The following LAMA3 variants were observed in gnomAD, a reference collection of about 807,000 sequenced individuals.
LAMA3 encodes laminin subunit alpha 3, also known as laminin subunit alpha-3.
In LAMA3, 281 loss-of-function variants were observed where a neutral mutation model predicts 402.0. The observed-to-expected ratio is 0.70, with a 90% CI of 0.63 to 0.77. LAMA3 has a LOEUF of 0.77. Among genes scored for constraint, LAMA3 ranks in the 30% least tolerant of loss-of-function variants. The pLI, the probability that LAMA3 is intolerant of heterozygous loss-of-function variation, is 0.00. For missense variants in LAMA3, 3,840 were observed against 4,215.5 expected (o/e 0.91, Z 2.47); for synonymous variants, 1,431 against 1,558.4 (o/e 0.92, Z 1.93).
At chr18:23,953,299 G>T (rs528029316) in intron 74 of LAMA3, among the ~76,000 whole-genome samples, 190 bp downstream of exon 74, 10 of 150,268 alleles carry the variant, frequency 6.7e-5, no homozygotes, top group African/African-American at 2.4e-4. Context: ...TACTGCTGTT[G>T]CCCCTTGCCC....
intron 8 of LAMA3, among the ~76,000 whole-genome samples, chr18:23,767,051 T>C (rs1438445636): frequency 6.6e-6 from 1 of 152,166 alleles, no homozygotes; most frequent in East Asian, 1.9e-4. Flanking sequence ...GTAGCATTTC[T>C]ATGCACCAAT....
intron 70 of LAMA3, among the ~76,000 whole-genome samples, chr18:23,947,576 G>A (rs2145539558): frequency 6.6e-6 from 1 of 152,128 alleles, no homozygotes; most frequent in Non-Finnish European, 1.5e-5. Flanking sequence ...TTTGCACTGG[G>A]GTTTGGGCCA....
intron 55 of LAMA3, among the ~76,000 whole-genome samples, chr18:23,911,515 T>C (rs1247360083): frequency 6.6e-6 from 1 of 152,044 alleles, no homozygotes. Context: ...GGCTTGTATT[T>C]TGTCTACTTT....
At chr18:23,752,171 G>A (rs1335968493) in intron 5 of LAMA3, among the ~76,000 whole-genome samples, 2 of 152,162 alleles carry the variant, frequency 1.3e-5, no homozygotes, top group African/African-American at 4.8e-5. Context: ...CTCCCTCTGA[G>A]CTTCTGTGTA....
In LAMA3 at chr18:23,932,301, C is replaced by T. The variant is rs1311888617; in HGVS notation, c.8708+10C>T. ...ATGTTTTTGTCCAGAGGTAGGTGATCCTCTCTTTGTGGGTAACTGATGAGA... is the reference window on the plus strand; with the variant it reads ...ATGTTTTTGTCCAGAGGTAGGTGATTCTCTCTTTGTGGGTAACTGATGAGA... On this transcript the variant is annotated intron_variant, in intron 66 of 74. Coordinates refer to ENST00000313654, the MANE Select transcript of LAMA3 (RefSeq NM_198129.4). 3.1e-6 allele frequency: 5 copies of T among 1,613,378 alleles called. No individual in the cohort carries two copies. The highest frequency in any genetic ancestry group is 4.2e-6 in the Non-Finnish European group (5 of 1,179,580).
intron 12 of LAMA3, among the ~76,000 whole-genome samples, 153 bp downstream of exon 12, chr18:23,784,310 C>T (rs538284085): frequency 2.0e-5 from 3 of 152,310 alleles, no homozygotes; most frequent in South Asian, 2.1e-4. Context: ...ATGGTCCTAC[C>T]TGGACCTTGT....
chr18:23,806,205 G>A (rs531648576), intron 12 of LAMA3, among the ~76,000 whole-genome samples: 44 of 152,238 alleles, frequency 2.9e-4, no homozygotes, highest in African/African-American at 1.0e-3. Context: ...ACCAACCTGG[G>A]GCCCAATTAC....
chr18:23,893,822 G>C (rs2080777563), intron 42 of LAMA3, among the ~76,000 whole-genome samples: 1 of 152,160 alleles, frequency 6.6e-6, no homozygotes, highest in Admixed American at 6.5e-5. Context: ...AATGCTCAAA[G>C]GTGCTCAGTG....
Position 23,810,400 on chromosome 18 carries a change from GC to G in LAMA3, c.1641del (p.Cys548AlafsTer4). ...GTTCAGCCCTTGGATCCTACCAGAT[GC>G]CCTGCAGCTCAGTGACTGGACAGTG... ...WCSALGSYQM[P>X]CSSVTGQCEC... On this transcript the variant is annotated frameshift_variant, in exon 13 of 75. Transcript: ENST00000313654. LOFTEE classifies it high-confidence loss of function. 6.2e-7 allele frequency: 1 copy of G among 1,614,122 alleles called. No homozygotes were observed. Among genetic ancestry groups the G allele is most frequent in the Non-Finnish European group, 8.5e-7 (1 of 1,180,022 alleles).
intron 2 of LAMA3, among the ~76,000 whole-genome samples, chr18:23,735,675 C>T (rs1463959278): frequency 2.6e-5 from 4 of 152,176 alleles, no homozygotes; most frequent in African/African-American, 4.8e-5. Flanking sequence ...TTACTCCTCA[C>T]GCCAACCTTG....
intron 55 of LAMA3, among the ~76,000 whole-genome samples, chr18:23,910,318 GA>G (rs1370793039): frequency 5.3e-5 from 8 of 152,160 alleles, no homozygotes; most frequent in Admixed American, 1.3e-4. Flanking sequence ...TTGGTCTATA[GA>G]GCATAGAAAG....
At chr18:23,932,121 A>G in intron 65 of LAMA3, 39 bp from the exon 66 acceptor site, 2 of 1,612,666 alleles carry the variant, frequency 1.2e-6, no homozygotes, top group South Asian at 2.2e-5. Flanking sequence ...CCTTTTTTCC[A>G]GCAGTTCTCA....
intron 34 of LAMA3, among the ~76,000 whole-genome samples, chr18:23,860,261 C>CTTTTTTTTTTT (rs59852195): frequency 6.7e-4 from 76 of 112,630 alleles, no homozygotes; most frequent in Middle Eastern, 5.2e-3. Flanking sequence ...CTTTTCTTTT[C>CTTTTTTTTTTT]TTTTTTTTTT....
intron 54 of LAMA3, 67 bp from the exon 55 acceptor site, chr18:23,909,086 A>G (rs2081350210): frequency 1.4e-6 from 2 of 1,471,202 alleles, no homozygotes; most frequent in Admixed American, 3.3e-5. Context: ...ACTGTCAGTA[A>G]GAACATTTGT....
At chr18:23,884,738 G>A in intron 40 of LAMA3, 35 bp from the exon 41 acceptor site, 1 of 1,568,994 alleles carries the variant, frequency 6.4e-7, no homozygotes, top group African/African-American at 1.3e-5. Context: ...ATCGATCTGT[G>A]TTTTTGATGG....
rs532370231 is a variant in LAMA3, at chr18:23,928,723, G to A, written c.8394G>A (p.Gln2798=). Residue 2798 remains glutamine (Q), a synonymous_variant, in exon 64 of 75, where the codon CAG becomes CAA. Coordinates refer to ENST00000313654, the MANE Select transcript of LAMA3 (RefSeq NM_198129.4). ...TDHLQASFGF[Q]TFQPSGILLD... Reference sequence around the variant, plus strand: ...ACCTCCAGGCCTCATTTGGATTTCAGACCTTTCAACCCAGTGGCATATTAT... The same window carrying A: ...ACCTCCAGGCCTCATTTGGATTTCAAACCTTTCAACCCAGTGGCATATTAT... 3.1e-6 allele frequency: 5 copies of A among 1,614,050 alleles called. 1 individual carries two copies. The South Asian group carries it at 5.5e-5, about 18-fold the overall frequency.
chr18:23,902,941 C>T, intron 48 of LAMA3, 68 bp from the exon 49 acceptor site: 1 of 876,574 alleles, frequency 1.1e-6, no homozygotes, highest in Non-Finnish European at 2.0e-6. Flanking sequence ...GCTATTGTCC[C>T]ATAAATTTGT....
rs2064574078 is a variant in LAMA3, at chr18:23,872,937, C to G, written c.4998+1276C>G. 8 of 1,434,410 alleles carry G rather than the reference C, an allele frequency of 5.6e-6. No homozygotes were observed. The South Asian group carries it at 8.2e-5, about 15-fold the overall frequency. 88.9% of individuals were successfully genotyped at this position (1,434,410 alleles called of 1,614,324 possible). On this transcript the variant is annotated intron_variant, in intron 38 of 74. Coordinates refer to ENST00000313654, the MANE Select transcript of LAMA3 (RefSeq NM_198129.4). ...TTAAAGGTGGGGCCCCTGCCGCAGACAGCCTTCCTCACCTGAGTCAGGCAG... is the reference window on the plus strand; with the variant it reads ...TTAAAGGTGGGGCCCCTGCCGCAGAGAGCCTTCCTCACCTGAGTCAGGCAG...
At chr18:23,791,171 T>A (rs995770022) in intron 12 of LAMA3, among the ~76,000 whole-genome samples, 8 of 152,212 alleles carry the variant, frequency 5.3e-5, no homozygotes, top group Non-Finnish European at 1.2e-4. Flanking sequence ...CCATCGCGCC[T>A]GGCTTCCTGT....
Sources: allele counts gnomAD v4.1 joint callset (sites outside exome capture counted in the v4.1 genomes callset), GRCh38; gene constraint gnomAD v4.1.1; transcripts MANE v1.5; gene names NCBI Gene and HGNC (gene_info 2026-07-23, HGNC 2026-07-21).